XPR1: variants seen among roughly 807,000 people sequenced by gnomAD.
XPR1 encodes the protein solute carrier family 53 member 1.
A neutral mutation model predicts 87.5 loss-of-function variants in XPR1; 28 were observed. The observed-to-expected ratio is 0.32, with a 90% CI of 0.24 to 0.44. The LOEUF is 0.44. Among genes scored for constraint, XPR1 ranks in the 20% least tolerant of loss-of-function variants. XPR1 has a pLI of 1.00. For missense variants in XPR1, 559 were observed against 862.3 expected (o/e 0.65, Z 4.41); for synonymous variants, 300 against 306.1 (o/e 0.98, Z 0.21).
intron 3 of XPR1, among the ~76,000 whole-genome samples, chr1:180,795,721 T>C (rs1649547383): frequency 6.6e-6 from 1 of 152,160 alleles, no homozygotes; most frequent in Non-Finnish European, 1.5e-5. Flanking sequence ...CTGTTTTTGG[T>C]CTTGAGGATA....
intron 13 of XPR1, among the ~76,000 whole-genome samples, chr1:180,875,836 A>T (rs1652643657): frequency 1.3e-5 from 2 of 152,108 alleles, no homozygotes; most frequent in South Asian, 4.1e-4. Context: ...ATAAAGCAAA[A>T]AAGAAAAGGA....
In XPR1 at chr1:180,824,733, A is replaced by T; in HGVS notation, c.764-20A>T. ...AAGTTATGAATTTTATAACTGACCA[A>T]TATCTTAATATTCTTTCAGCTGTAT... On this transcript the variant is annotated intron_variant, in intron 7 of 14. Coordinates refer to ENST00000367590, the MANE Select transcript of XPR1 (RefSeq NM_004736.4). 3 of 1,581,384 alleles carry T rather than the reference A, an allele frequency of 1.9e-6. No homozygotes were observed. The highest frequency in any genetic ancestry group is 1.7e-6 in the Non-Finnish European group (2 of 1,161,812).
chr1:180,815,492 C>T lies in XPR1; in HGVS notation c.763+4004C>T, dbSNP rs148561491. Among the ~76,000 whole-genome samples, 495 of 152,166 alleles carry T rather than the reference C, an allele frequency of 3.3e-3. 4 individuals carry two copies. Among genetic ancestry groups the T allele is most frequent in the African/African-American group, 0.011 (469 of 41,512 alleles). On this transcript the variant is annotated intron_variant, in intron 7 of 14. Coordinates refer to ENST00000367590, the MANE Select transcript of XPR1 (RefSeq NM_004736.4). ...GTTGAGAGTCAAAGAGAAACACAGT[C>T]GTAGTATGCATGTACAAGCACGATT... is the stretch of plus-strand genomic sequence containing the variant.
At chr1:180,740,586 A>G (rs1658884463) in intron 2 of XPR1, among the ~76,000 whole-genome samples, 1 of 152,066 alleles carries the variant, frequency 6.6e-6, no homozygotes, top group Non-Finnish European at 1.5e-5. Flanking sequence ...TGATTTTTAC[A>G]TCTCTTTATA....
In XPR1 at chr1:180,887,350, A is replaced by G. The variant is rs1360614152; in HGVS notation, c.*3284A>G. 6.6e-6 allele frequency: 1 copy of G among 152,256 alleles called. No individual in the cohort carries two copies. The highest frequency in any genetic ancestry group is 1.5e-5 in the Non-Finnish European group (1 of 68,048). The allele number at this position is 152,256 out of a possible 1,614,324, so 9.4% of individuals were successfully genotyped here. On this transcript the variant is annotated 3_prime_UTR_variant, in exon 15 of 15. Transcript: ENST00000367590. ...AGGAATGAAGAGGAAGTCTAAATAA[A>G]TGAATAAAACTCATTTTTCATTTTA...
At chr1:180,710,491 CAT>C (rs1352424047) in intron 2 of XPR1, among the ~76,000 whole-genome samples, 3 of 152,134 alleles carry the variant, frequency 2.0e-5, no homozygotes, top group African/African-American at 4.8e-5. Flanking sequence ...GGACACAGCA[CAT>C]GTTTCAGAGA....
chr1:180,721,691 G>A (rs1462012008), intron 2 of XPR1, among the ~76,000 whole-genome samples: 1 of 152,112 alleles, frequency 6.6e-6, no homozygotes, highest in African/African-American at 2.4e-5. Flanking sequence ...CCACCCTTGA[G>A]ATGGCAAGAC....
intron 2 of XPR1, among the ~76,000 whole-genome samples, chr1:180,755,055 A>C (rs1339182312): frequency 6.6e-6 from 1 of 152,202 alleles, no homozygotes; most frequent in Admixed American, 6.5e-5. Context: ...AGTTACCGAT[A>C]TGGAGAAGGA....
At chr1:180,791,737 T>C (rs1027442698) in intron 3 of XPR1, among the ~76,000 whole-genome samples, 2 of 152,378 alleles carry the variant, frequency 1.3e-5, no homozygotes, top group Middle Eastern at 3.4e-3. Flanking sequence ...GTACTTGTAG[T>C]ATATTGTTTT....
chr1:180,720,422 A>G (rs891684533), intron 2 of XPR1, among the ~76,000 whole-genome samples: 5 of 152,208 alleles, frequency 3.3e-5, no homozygotes, highest in Non-Finnish European at 5.9e-5. Context: ...ACTTGAGGAA[A>G]TAGGTCATGG....
intron 2 of XPR1, among the ~76,000 whole-genome samples, chr1:180,767,857 T>G (rs957164014): frequency 1.3e-5 from 2 of 152,102 alleles, no homozygotes; most frequent in Non-Finnish European, 2.9e-5. Flanking sequence ...AACTTTTTTT[T>G]TTTTTGAGAC....
At chr1:180,652,530 A>G (rs1253302460) in intron 1 of XPR1, among the ~76,000 whole-genome samples, 1 of 152,186 alleles carries the variant, frequency 6.6e-6, no homozygotes, top group Non-Finnish European at 1.5e-5. Context: ...TGACTTTCCA[A>G]GAGCATTTAG....
In XPR1 at chr1:180,876,635, C is replaced by CAAA. The variant is rs532038656; in HGVS notation, c.1808+2704_1808+2706dup. Among the ~76,000 whole-genome samples the CAAA allele has an allele frequency of 4.0e-3, 433 of 108,130 alleles. 4 individuals are homozygous for CAAA. Among genetic ancestry groups the CAAA allele is most frequent in the African/African-American group, 0.013 (393 of 29,148 alleles). 70.9% of individuals were successfully genotyped at this position (108,130 alleles called of 152,430 possible). ...TGGGCAACAGAGGGAGACCCTGTCT[C>CAAA]AAAAAAAAAAAAAGAAAGAAACCTG... On this transcript the variant is annotated intron_variant, in intron 13 of 14. Coordinates refer to ENST00000367590, the MANE Select transcript of XPR1 (RefSeq NM_004736.4).
chr1:180,662,843 C>G (rs1475538746), intron 1 of XPR1, among the ~76,000 whole-genome samples: 2 of 152,104 alleles, frequency 1.3e-5, no homozygotes, highest in Non-Finnish European at 2.9e-5. Flanking sequence ...TCTCTTCTGA[C>G]TGTGTGTTTA....
chr1:180,725,360 C>T (rs1363269941), intron 2 of XPR1, among the ~76,000 whole-genome samples: 3 of 151,902 alleles, frequency 2.0e-5, no homozygotes. Flanking sequence ...AGTATAGGGA[C>T]AGGGAGTAAA....
intron 12 of XPR1, among the ~76,000 whole-genome samples, chr1:180,868,488 C>A (rs1308033754): frequency 2.7e-5 from 1 of 36,838 alleles, no homozygotes; most frequent in African/African-American, 1.3e-4. Context: ...CTTTTATTTC[C>A]TTGAGCAGTG....
At chr1:180,758,349 G>A (rs1428729366) in intron 2 of XPR1, among the ~76,000 whole-genome samples, 1 of 152,108 alleles carries the variant, frequency 6.6e-6, no homozygotes, top group African/African-American at 2.4e-5. Context: ...GGAAGGGGAG[G>A]AGGGGATATG....
chr1:180,887,418 A>C lies in XPR1; in HGVS notation c.*3352A>C, dbSNP rs556000917. The C allele has an allele frequency of 3.9e-5, 6 of 152,350 alleles. No homozygotes were observed. The highest frequency in any genetic ancestry group is 1.4e-4 in the African/African-American group (6 of 41,586). The allele number at this position is 152,350 out of a possible 1,614,324, so 9.4% of individuals were successfully genotyped here. A position where few individuals can be genotyped will look rare whatever the true frequency, so the allele number is the denominator to read the frequency against. On this transcript the variant is annotated 3_prime_UTR_variant, in exon 15 of 15. Transcript: ENST00000367590. The stretch of plus-strand genomic sequence containing the variant: ...TTGATGTGTGTAGAGAAATTAAAAG[A>C]CAAGAGTGGTTTACTGTCTATGCAC...
At chr1:180,659,558 A>C in intron 1 of XPR1, among the ~76,000 whole-genome samples, 1 of 126,366 alleles carries the variant, frequency 7.9e-6, no homozygotes, top group African/African-American at 3.3e-5. Flanking sequence ...AACCTCCACC[A>C]CCACCACCCA....
Sources: allele counts gnomAD v4.1 joint callset (sites outside exome capture counted in the v4.1 genomes callset), GRCh38; gene constraint gnomAD v4.1.1; transcripts MANE v1.5; gene names NCBI Gene and HGNC (gene_info 2026-07-23, HGNC 2026-07-21).